TNS3: variants seen among roughly 807,000 people sequenced by gnomAD.
TNS3 encodes the protein tensin 3.
TNS3 carries 45 observed loss-of-function variants against 140.9 expected under a neutral mutation model. That is an observed-to-expected ratio of 0.32 (90% CI 0.25 to 0.41). The LOEUF (loss-of-function observed/expected upper bound fraction) is 0.41. TNS3 is among the 10% of genes least tolerant of loss of function. TNS3 has a pLI of 1.00. For missense variants in TNS3, 1,716 were observed against 1,906.7 expected (o/e 0.90, Z 1.86); for synonymous variants, 815 against 788.4 (o/e 1.03, Z -0.56).
chr7:47,439,638 G>A lies in TNS3; in HGVS notation c.-2C>T. The A allele has an allele frequency of 3.1e-6, 5 of 1,613,996 alleles. No homozygotes were observed. In the African/African-American group the frequency reaches 5.3e-5, roughly 17 times the overall value. ...GTCCAGCCCATGGCCCTCCTCCATG[G>A]TGGGACTCAGGATGACGGGCCTGCG... On this transcript the variant is annotated 5_prime_UTR_variant, in exon 6 of 31. Coordinates refer to ENST00000311160, the MANE Select transcript of TNS3 (RefSeq NM_022748.12).
At chr7:47,370,554 T>C (rs1011073487) in intron 16 of TNS3, among the ~76,000 whole-genome samples, 3 of 152,246 alleles carry the variant, frequency 2.0e-5, no homozygotes, top group African/African-American at 4.8e-5. Context: ...ATCACGGCCA[T>C]GGCTCTGGCA....
In TNS3 at chr7:47,527,664, GCA is replaced by G. The variant is rs931325865; in HGVS notation, c.-153+1370_-153+1371del. ...ACAATGGCTCAAACCTGTAATCCCA[GCA>G]CTTTGGGAGGCTAAGGCAGGAGAAT... On this transcript the variant is annotated intron_variant, in intron 2 of 30. Transcript: ENST00000311160. Among the ~76,000 whole-genome samples the G allele has an allele frequency of 5.9e-5, 9 of 152,364 alleles. No homozygotes were observed. In the South Asian group the frequency reaches 1.0e-3, roughly 18 times the overall value.
At chr7:47,551,585 C>T (rs1226285084) in intron 1 of TNS3, among the ~76,000 whole-genome samples, 1 of 152,200 alleles carries the variant, frequency 6.6e-6, no homozygotes, top group African/African-American at 2.4e-5. Context: ...TTGGGGAGCA[C>T]TTTGAAAAGT....
intron 4 of TNS3, 100 bp downstream of exon 4, chr7:47,481,003 A>T: frequency 1.1e-6 from 1 of 939,690 alleles, no homozygotes; most frequent in Non-Finnish European, 1.5e-6. Context: ...CATGGATCCT[A>T]GAGGAAGCCA....
intron 4 of TNS3, among the ~76,000 whole-genome samples, chr7:47,455,912 C>T (rs1386025364): frequency 1.3e-5 from 2 of 152,290 alleles, no homozygotes; most frequent in South Asian, 4.1e-4. Context: ...GAAATGGAGG[C>T]ACACTGCGTG....
At chr7:47,479,452 C>T (rs1250981324) in intron 4 of TNS3, among the ~76,000 whole-genome samples, 5 of 152,146 alleles carry the variant, frequency 3.3e-5, no homozygotes. Context: ...ACTACAAACA[C>T]AGGCTCCCAA....
intron 20 of TNS3, among the ~76,000 whole-genome samples, chr7:47,332,791 C>G (rs1193075245): frequency 6.6e-6 from 1 of 152,086 alleles, no homozygotes; most frequent in African/African-American, 2.4e-5. Flanking sequence ...AGAGGTTATG[C>G]AAACTGTTCA....
At chr7:47,352,006 G>GGTCT (rs773019251) in intron 17 of TNS3, among the ~76,000 whole-genome samples, 2 of 151,944 alleles carry the variant, frequency 1.3e-5, no homozygotes, top group Non-Finnish European at 2.9e-5. Flanking sequence ...ACTCTCACGT[G>GGTCT]GTCTCTTACA....
intron 17 of TNS3, among the ~76,000 whole-genome samples, chr7:47,362,832 C>T (rs1352112331): frequency 2.0e-5 from 3 of 151,980 alleles, no homozygotes; most frequent in African/African-American, 7.3e-5. Context: ...TCATAACCAT[C>T]ATCACTGTCA....
At chr7:47,490,004 T>G (rs557415577) in intron 3 of TNS3, among the ~76,000 whole-genome samples, 48 of 152,340 alleles carry the variant, frequency 3.2e-4, no homozygotes, top group Non-Finnish European at 5.4e-4. Context: ...AGAGGACATC[T>G]GGTGATTGAT....
At chr7:47,496,690 G>A (rs941226268) in intron 3 of TNS3, among the ~76,000 whole-genome samples, 12 of 152,204 alleles carry the variant, frequency 7.9e-5, no homozygotes, top group African/African-American at 1.2e-4. Context: ...TGAGAGAGGC[G>A]GAGGGCTGGG....
chr7:47,485,440 T>C (rs941002155), intron 3 of TNS3, among the ~76,000 whole-genome samples: 4 of 152,226 alleles, frequency 2.6e-5, no homozygotes, highest in Non-Finnish European at 5.9e-5. Context: ...TGACTCCAGC[T>C]GGTGCCCCAG....
intron 22 of TNS3, 67 bp downstream of exon 22, chr7:47,302,883 T>C: frequency 6.5e-7 from 1 of 1,531,882 alleles, no homozygotes; most frequent in Non-Finnish European, 8.8e-7. Flanking sequence ...CAGCTGCAGG[T>C]CTGAACCCTT....
chr7:47,510,474 G>A (rs888167518), intron 2 of TNS3, among the ~76,000 whole-genome samples: 1 of 152,204 alleles, frequency 6.6e-6, no homozygotes, highest in Admixed American at 6.5e-5. Flanking sequence ...ACAAAATGCA[G>A]TTATTCAGAC....
At chr7:47,526,248 C>T (rs1260016069) in intron 2 of TNS3, among the ~76,000 whole-genome samples, 1 of 151,266 alleles carries the variant, frequency 6.6e-6, no homozygotes, top group Admixed American at 6.6e-5. Context: ...AATTACTCCT[C>T]AAGCAGTATA....
At chr7:47,521,172 C>T (rs1001203093) in intron 2 of TNS3, among the ~76,000 whole-genome samples, 1 of 152,156 alleles carries the variant, frequency 6.6e-6, no homozygotes, top group African/African-American at 2.4e-5. Flanking sequence ...CTCCATCGTC[C>T]TGACAATGCC....
intron 1 of TNS3, among the ~76,000 whole-genome samples, chr7:47,567,030 C>CAAAAAAA (rs541987899): frequency 2.0e-5 from 2 of 98,726 alleles, no homozygotes; most frequent in Non-Finnish European, 4.0e-5. Flanking sequence ...GACTCCATCT[C>CAAAAAAA]AAAAAAAAAA....
At chr7:47,510,315 A>G (rs1798562931) in intron 2 of TNS3, among the ~76,000 whole-genome samples, 3 of 152,202 alleles carry the variant, frequency 2.0e-5, no homozygotes, top group Admixed American at 6.5e-5. Flanking sequence ...TCTGAAGCAC[A>G]CAGGCCCAGA....
chr7:47,415,618 C>T (rs960448905), intron 10 of TNS3, among the ~76,000 whole-genome samples: 5 of 152,236 alleles, frequency 3.3e-5, no homozygotes, highest in Admixed American at 1.3e-4. Context: ...GGTCACATGA[C>T]CCAGGCCCAG....
Sources: gnomAD v4.1 joint callset for allele counts (sites outside exome capture counted in the v4.1 genomes callset) on GRCh38, gnomAD v4.1.1 for gene constraint, MANE v1.5 for transcripts, NCBI Gene and HGNC (gene_info 2026-07-23, HGNC 2026-07-21) for gene names.